Variants in NUGGC observed in about 807,000 individuals in gnomAD.
The protein encoded by NUGGC is nuclear GTPase, germinal center associated, also known as nuclear GTPase SLIP-GC.
A neutral mutation model predicts 92.6 loss-of-function variants in NUGGC; 58 were observed. The observed-to-expected ratio is 0.63, with a 90% CI of 0.51 to 0.78. The LOEUF is 0.78. Ranked by LOEUF, NUGGC falls within the 30% of genes least tolerant of loss-of-function variation. The pLI is 0.00. For missense variants in NUGGC, 925 were observed against 964.6 expected, an observed-to-expected ratio of 0.96 and a Z score of 0.54; for synonymous variants, 376 against 366.4, an observed-to-expected ratio of 1.03 and a Z score of -0.30.
At chr8:28,079,472 G>A (rs947953873) in intron 1 of NUGGC, among the ~76,000 whole-genome samples, 2 of 152,106 alleles carry the variant, frequency 1.3e-5, no homozygotes, top group African/African-American at 2.4e-5. Context: ...CCCAGGAAGT[G>A]GAGGTTGCAG....
At chr8:28,029,474 C>T (rs751619683) in intron 16 of NUGGC, 72 bp from the exon 17 acceptor site, 3 of 1,545,270 alleles carry the variant, frequency 1.9e-6, no homozygotes, top group East Asian at 2.3e-5. Flanking sequence ...CATGGCCGGG[C>T]ATGGTGGCTC....
At chr8:28,027,139 G>A (rs1809284760) in intron 17 of NUGGC, 87 bp from the exon 18 acceptor site, 9 of 1,076,834 alleles carry the variant, frequency 8.4e-6, no homozygotes, top group Non-Finnish European at 1.3e-5. Context: ...CAGTCCCCCA[G>A]CCACGGAAGG....
intron 13 of NUGGC, among the ~76,000 whole-genome samples, chr8:28,035,701 G>T (rs574288595): frequency 2.0e-5 from 3 of 152,144 alleles, no homozygotes; most frequent in Non-Finnish European, 4.4e-5. Flanking sequence ...CTGATTCAAC[G>T]TGGGGGAGAC....
chr8:28,051,826 G>A (rs1810011746), intron 10 of NUGGC, among the ~76,000 whole-genome samples: 1 of 152,220 alleles, frequency 6.6e-6, no homozygotes, highest in Admixed American at 6.5e-5. Flanking sequence ...GGAGGCTGAG[G>A]CAGGAGAATT....
In NUGGC at chr8:28,049,914, C is replaced by T. The variant is rs139998623; in HGVS notation, c.1207-2302G>A. Among the ~76,000 whole-genome samples, 851 of 152,072 alleles carry T rather than the reference C, an allele frequency of 5.6e-3. 6 individuals are homozygous for T. The highest frequency in any genetic ancestry group is 0.019 in the African/African-American group (800 of 41,458). Reference sequence around the variant, plus strand: ...CAGCCTAGCCAACATGGTGAAACCCCGTCTCTACTAAAAATACAAAAAATT... The same window carrying T: ...CAGCCTAGCCAACATGGTGAAACCCTGTCTCTACTAAAAATACAAAAAATT... On this transcript the variant is annotated intron_variant, in intron 10 of 18. Transcript: ENST00000413272.
chr8:28,045,664 G>A lies in NUGGC; in HGVS notation c.1313-4C>T, dbSNP rs752073181. 3.7e-6 allele frequency: 6 copies of A among 1,608,006 alleles called. No individual in the cohort carries two copies. In the African/African-American group the frequency reaches 6.7e-5, roughly 18 times the overall value. ...TATTCTCTTAACTTAGGGATTTCTG[G>A]AATTCACAGGCAGCACAAATAATTG... is the stretch of plus-strand genomic sequence containing the variant. On this transcript the variant is annotated splice_polypyrimidine_tract_variant and splice_region_variant and intron_variant, in intron 11 of 18. Coordinates refer to ENST00000413272, the MANE Select transcript of NUGGC (RefSeq NM_001010906.2).
In NUGGC at chr8:28,045,578, G is replaced by A; in HGVS notation, c.1395C>T (p.Ala465=). The A allele has an allele frequency of 6.2e-7, 1 of 1,613,078 alleles. No individual in the cohort carries two copies. The highest frequency in any genetic ancestry group is 8.5e-7 in the Non-Finnish European group (1 of 1,179,790). The change falls in exon 12 of 19, where the codon GCC becomes GCT. Residue 465 remains alanine (A), a synonymous_variant. Coordinates refer to ENST00000413272, the MANE Select transcript of NUGGC (RefSeq NM_001010906.2). The part of the protein sequence containing the change: ...KRTVTKYVTE[A]FGLLLLTDSF... ...TATCTGTGAGGAGCAACAGGCCAAA[G>A]GCTTCAGTCACATACTTGGTCACTG...
intron 17 of NUGGC, 91 bp from the exon 18 acceptor site, chr8:28,027,143 C>T (rs529749895): frequency 9.8e-5 from 103 of 1,055,778 alleles, no homozygotes; most frequent in Non-Finnish European, 1.3e-4. Flanking sequence ...CCCCCAGCCA[C>T]GGAAGGTACA....
intron 6 of NUGGC, among the ~76,000 whole-genome samples, chr8:28,065,251 C>T (rs1810412125): frequency 2.0e-5 from 3 of 150,214 alleles, no homozygotes; most frequent in South Asian, 4.2e-4. Context: ...AGCTCCGCCT[C>T]CCGGGTTCAC....
At chr8:28,043,229 G>T (rs1234868244) in intron 12 of NUGGC, among the ~76,000 whole-genome samples, 1 of 152,146 alleles carries the variant, frequency 6.6e-6, no homozygotes, top group East Asian at 1.9e-4. Flanking sequence ...GAAGAGCGGA[G>T]AATAAAAGAA....
At chr8:28,039,554 T>C (rs972999194) in intron 13 of NUGGC, among the ~76,000 whole-genome samples, 1 of 152,096 alleles carries the variant, frequency 6.6e-6, no homozygotes, top group Non-Finnish European at 1.5e-5. Context: ...TTAAACAAGC[T>C]TTTACACAAA....
chr8:28,079,193 G>T (rs1396616462), intron 1 of NUGGC, among the ~76,000 whole-genome samples: 1 of 152,060 alleles, frequency 6.6e-6, no homozygotes, highest in Non-Finnish European at 1.5e-5. Flanking sequence ...AATCACAGAG[G>T]CAACACAAAC....
At chr8:28,038,546 C>T (rs1013863591) in intron 13 of NUGGC, among the ~76,000 whole-genome samples, 4 of 152,162 alleles carry the variant, frequency 2.6e-5, no homozygotes, top group Admixed American at 1.3e-4. Flanking sequence ...ACATAGCTGG[C>T]AGATGGGGAA....
At chr8:28,035,194 T>A (rs1809524144) in intron 13 of NUGGC, among the ~76,000 whole-genome samples, 1 of 152,206 alleles carries the variant, frequency 6.6e-6, no homozygotes, top group African/African-American at 2.4e-5. Flanking sequence ...CCCCACTCAC[T>A]CATTCACTTT....
At position 28,027,026 on chromosome 8, in the gene NUGGC, G is replaced by C. The variant is rs758063414; in HGVS notation, c.2181C>G (p.Gly727=). ...LKTGIVEKVK[G]SITTMLALAS... is the part of the protein sequence containing the mutation. ...CAAGGGCCAGCATAGTGGTGATGCT[G>C]CCCTTCACCTTCTCCACGATTCCAG... is the stretch of plus-strand genomic sequence containing the variant. The change falls in exon 18 of 19, where the codon GGC becomes GGG. Residue 727 remains glycine (G), a synonymous_variant. Coordinates refer to ENST00000413272, the MANE Select transcript of NUGGC (RefSeq NM_001010906.2). 6.2e-7 allele frequency: 1 copy of C among 1,613,348 alleles called. No individual in the cohort carries two copies.
At chr8:28,046,965 G>A (rs1216269295) in intron 11 of NUGGC, among the ~76,000 whole-genome samples, 3 of 151,054 alleles carry the variant, frequency 2.0e-5, no homozygotes, top group Admixed American at 2.0e-4. Flanking sequence ...CAACATGCCT[G>A]GCTTTTTTTG....
At chr8:28,062,452 C>CAA (rs34648549) in intron 7 of NUGGC, among the ~76,000 whole-genome samples, 69 of 132,172 alleles carry the variant, frequency 5.2e-4, no homozygotes, top group Middle Eastern at 4.1e-3. Flanking sequence ...CTCATCTCTA[C>CAA]AAAAAAAAAA....
intron 13 of NUGGC, among the ~76,000 whole-genome samples, chr8:28,038,085 C>CA (rs1809602224): frequency 6.6e-6 from 1 of 152,204 alleles, no homozygotes; most frequent in African/African-American, 2.4e-5. Context: ...GCTCATCCCC[C>CA]AGGCCCTCTC....
At chr8:28,079,852 T>C (rs914263287) in intron 1 of NUGGC, among the ~76,000 whole-genome samples, 8 of 152,218 alleles carry the variant, frequency 5.3e-5, no homozygotes, top group African/African-American at 1.9e-4. Flanking sequence ...AGCAACTTGA[T>C]AGAATTGTAT....
Sources: allele counts gnomAD v4.1 joint callset (sites outside exome capture counted in the v4.1 genomes callset), GRCh38; gene constraint gnomAD v4.1.1; transcripts MANE v1.5; gene names NCBI Gene and HGNC (gene_info 2026-07-23, HGNC 2026-07-21).